The following ZSCAN25 variants were observed in gnomAD, a reference collection of about 807,000 sequenced individuals.
ZSCAN25 encodes zinc finger and SCAN domain containing 25, also known as zinc finger and SCAN domain-containing protein 25.
Under a neutral mutation model 38.7 loss-of-function variants are expected in ZSCAN25, and 27 were observed. The ratio of observed to expected loss-of-function variants is 0.70; its 90% confidence interval spans 0.51 to 0.96. ZSCAN25 has a LOEUF of 0.96. ZSCAN25 is among the 40% of genes least tolerant of loss of function. ZSCAN25 has a pLI of 0.00. For missense variants in ZSCAN25, 637 were observed against 705.9 expected (o/e 0.90, Z 1.11); for synonymous variants, 273 against 277.7 (o/e 0.98, Z 0.17).
chr7:99,665,742 A>G, the ZSCAN25 span, among the ~76,000 whole-genome samples: 2,728 of 152,330 alleles, frequency 0.018, 48 homozygotes, highest in Non-Finnish European at 0.027. Flanking sequence ...CCCAGAGCCA[A>G]TTCCTCTTCA....
downstream of ZSCAN25, among the ~76,000 whole-genome samples, chr7:99,634,586 G>A (rs1265134900): frequency 6.6e-6 from 1 of 152,198 alleles, no homozygotes; most frequent in African/African-American, 2.4e-5. Context: ...TCAGGAGATT[G>A]AGACCATCCT....
At chr7:99,659,500 C>T in the ZSCAN25 span, 1 of 154,396 alleles carries the variant, frequency 6.5e-6, no homozygotes, top group East Asian at 1.9e-4. Context: ...GGGGTGCCTC[C>T]CAGTTAGGCT....
At chr7:99,662,537 G>A in the ZSCAN25 span, among the ~76,000 whole-genome samples, 1 of 152,190 alleles carries the variant, frequency 6.6e-6, no homozygotes, top group Non-Finnish European at 1.5e-5. This position sits in a 1 kb window ranked among gnomAD's most constrained non-coding sequence, Gnocchi z 4.3. Context: ...GGAGGAGGCT[G>A]AGAACTGGCA....
At chr7:99,658,702 G>A in the ZSCAN25 span, 21 of 152,246 alleles carry the variant, frequency 1.4e-4, no homozygotes, top group African/African-American at 4.6e-4. Context: ...TATTCTCCCC[G>A]TCACTTTCAG....
At chr7:99,650,709 TC>T in the ZSCAN25 span, among the ~76,000 whole-genome samples, 1 of 151,980 alleles carries the variant, frequency 6.6e-6, no homozygotes, top group African/African-American at 2.4e-5. Flanking sequence ...CTAATTCCCC[TC>T]CTCCTCCTCT....
chr7:99,650,314 A>G, the ZSCAN25 span: 16 of 1,333,898 alleles, frequency 1.2e-5, no homozygotes, highest in East Asian at 2.3e-5. Flanking sequence ...ACTTAAGAAC[A>G]ACCCCCCTCC....
the ZSCAN25 span, chr7:99,715,591 A>C: frequency 1.6e-6 from 2 of 1,221,552 alleles, no homozygotes; most frequent in Non-Finnish European, 2.3e-6. Context: ...CTAGAATGAC[A>C]GAAGTGTTTT....
chr7:99,652,495 A>C, the ZSCAN25 span: 1 of 1,135,736 alleles, frequency 8.8e-7, no homozygotes, highest in East Asian at 2.4e-5. Context: ...TAAGAGAGGC[A>C]GAATATGCTT....
At chr7:99,633,771 G>A (rs943981690), downstream of ZSCAN25, among the ~76,000 whole-genome samples, 3 of 152,202 alleles carry the variant, frequency 2.0e-5, no homozygotes, top group African/African-American at 7.2e-5. Context: ...TGATCAGTCT[G>A]CTGGAGTTAT....
the ZSCAN25 span, chr7:99,676,270 G>A: frequency 6.2e-7 from 1 of 1,607,766 alleles, no homozygotes; most frequent in Non-Finnish European, 8.5e-7. Context: ...GAGGGCTGGT[G>A]AGTTACTCAG....
chr7:99,698,692 C>T, the ZSCAN25 span, among the ~76,000 whole-genome samples: 1 of 152,116 alleles, frequency 6.6e-6, no homozygotes. Flanking sequence ...TGACATTATT[C>T]TGGAGAGGTG....
At chr7:99,704,552 A>C in the ZSCAN25 span, among the ~76,000 whole-genome samples, 1 of 152,084 alleles carries the variant, frequency 6.6e-6, no homozygotes, top group Non-Finnish European at 1.5e-5. Context: ...TGGCCTCCCA[A>C]AGTGCTGGGA....
At chr7:99,705,116 A>G in the ZSCAN25 span, 6 of 222,560 alleles carry the variant, frequency 2.7e-5, no homozygotes, top group East Asian at 6.3e-4. Context: ...ACATGATATA[A>G]ATGTCACTGT....
chr7:99,734,539 A>C, the ZSCAN25 span, among the ~76,000 whole-genome samples: 356 of 152,302 alleles, frequency 2.3e-3, 2 homozygotes, highest in Admixed American at 4.4e-3. Flanking sequence ...ATAGATCTGC[A>C]AAACATCCAT....
chr7:99,676,987 T>G, the ZSCAN25 span, among the ~76,000 whole-genome samples: 2 of 152,206 alleles, frequency 1.3e-5, no homozygotes, highest in African/African-American at 4.8e-5. Flanking sequence ...CAACTAATAC[T>G]TCTCAGGTCA....
chr7:99,714,732 A>G, the ZSCAN25 span: 1 of 1,596,462 alleles, frequency 6.3e-7, no homozygotes, highest in South Asian at 1.1e-5. Flanking sequence ...GAACATACAA[A>G]ATTTACCTGG....
the ZSCAN25 span, among the ~76,000 whole-genome samples, chr7:99,721,662 T>C: frequency 9.9e-5 from 15 of 152,180 alleles, no homozygotes; most frequent in Non-Finnish European, 1.9e-4. Context: ...TGGTGACATA[T>C]GGGATCCTTG....
rs1346615142 is a variant in ZSCAN25, at chr7:99,629,685, G to A, written c.1300G>A (p.Gly434Arg). The change falls in exon 8 of 8, where the codon GGG becomes AGG. Residue 434 changes from glycine to arginine, a missense_variant. Physicochemically the swap from Gly to Arg is moderately radical, Grantham distance 125. Coordinates refer to ENST00000394152, the MANE Select transcript of ZSCAN25 (RefSeq NM_145115.3). The surrounding 1 kb of genome is among the most constrained non-coding windows in gnomAD (Gnocchi z 5.6). Reference sequence around the variant, plus strand: ...CACTGGGGAGAAGCCCTACAAGTGCGGGGACTGCTGGAAGAGCTTCAGCCG... The same window carrying A: ...CACTGGGGAGAAGCCCTACAAGTGCAGGGACTGCTGGAAGAGCTTCAGCCG... ...SHTGEKPYKC[G>R]DCWKSFSRRQ... is the part of the protein sequence containing the mutation. 4 of 1,613,974 alleles carry A rather than the reference G, an allele frequency of 2.5e-6. No individual in the cohort carries two copies. Among genetic ancestry groups the A allele is most frequent in the South Asian group, 2.2e-5 (2 of 91,088 alleles).
the ZSCAN25 span, among the ~76,000 whole-genome samples, chr7:99,651,484 G>A: frequency 6.6e-6 from 1 of 152,128 alleles, no homozygotes; most frequent in Admixed American, 6.5e-5. Flanking sequence ...TGCTGAGCTT[G>A]CAGGAAACAT....
Sources: gnomAD v4.1 joint callset for allele counts (sites outside exome capture counted in the v4.1 genomes callset) on GRCh38, gnomAD v4.1.1 for gene constraint, Gnocchi (gnomAD v3.1) non-coding constraint, MANE v1.5 for transcripts, NCBI Gene and HGNC (gene_info 2026-07-23, HGNC 2026-07-21) for gene names.